The following CNTN4 variants were observed in gnomAD, a reference collection of about 807,000 sequenced individuals.
The protein encoded by CNTN4 is contactin-4.
In CNTN4, 77 loss-of-function variants were observed where a neutral mutation model predicts 122.5. The ratio of observed to expected loss-of-function variants is 0.63; its 90% CI spans 0.52 to 0.76. The LOEUF (loss-of-function observed/expected upper bound fraction) is 0.76, where lower values mean the gene tolerates loss of function less well. CNTN4 is among the 30% of genes least tolerant of loss of function. CNTN4 has a pLI of 0.00. For missense variants in CNTN4, 1,256 were observed against 1,259.1 expected, an observed-to-expected ratio of 1.00 and a Z score of 0.04; for synonymous variants, 512 against 447.0, an observed-to-expected ratio of 1.15 and a Z score of -1.83.
At chr3:2,732,154 G>T (rs537917338) in intron 4 of CNTN4, among the ~76,000 whole-genome samples, 5 of 152,198 alleles carry the variant, frequency 3.3e-5, no homozygotes, top group Admixed American at 6.5e-5. Flanking sequence ...ATGTGTCTAG[G>T]AGTGGGTCTA....
intron 4 of CNTN4, among the ~76,000 whole-genome samples, chr3:2,644,960 C>T (rs2083055710): frequency 6.6e-6 from 1 of 151,006 alleles, no homozygotes; most frequent in South Asian, 2.1e-4. Flanking sequence ...ATATTCAAAA[C>T]TCATTTGCCT....
intron 4 of CNTN4, among the ~76,000 whole-genome samples, chr3:2,689,073 C>T (rs1168507244): frequency 6.6e-6 from 1 of 152,190 alleles, no homozygotes; most frequent in Non-Finnish European, 1.5e-5. Flanking sequence ...AAGAAAGTAA[C>T]AGCAGTGTGT....
chr3:2,926,552 CTGTT>C (rs753723700), intron 13 of CNTN4, among the ~76,000 whole-genome samples: 3 of 152,152 alleles, frequency 2.0e-5, no homozygotes, highest in Non-Finnish European at 4.4e-5. Context: ...ATGCGTGAAT[CTGTT>C]TGTCACCTAT....
intron 2 of CNTN4, among the ~76,000 whole-genome samples, chr3:2,245,208 C>T (rs1016795363): frequency 2.0e-5 from 3 of 147,736 alleles, no homozygotes; most frequent in Admixed American, 2.0e-4. Context: ...TTGGGAGATA[C>T]TTAGTAGAAG....
At chr3:2,951,692 G>A (rs1355402117) in intron 13 of CNTN4, among the ~76,000 whole-genome samples, 3 of 152,140 alleles carry the variant, frequency 2.0e-5, no homozygotes, top group South Asian at 4.1e-4. Context: ...GTTCATATGT[G>A]TATATCAGAA....
intron 3 of CNTN4, among the ~76,000 whole-genome samples, chr3:2,411,234 T>G (rs1194336424): frequency 6.6e-6 from 1 of 152,074 alleles, no homozygotes; most frequent in Non-Finnish European, 1.5e-5. Flanking sequence ...GGCTTAATAC[T>G]TAGGTGATGG....
At position 2,900,804 on chromosome 3, in the gene CNTN4, G is replaced by T. The variant is rs145270510; in HGVS notation, c.1060G>T (p.Glu354Ter). 6.2e-7 allele frequency: 1 copy of T among 1,613,864 alleles called. No homozygotes were observed. The highest frequency in any genetic ancestry group is 1.7e-5 in the Admixed American group (1 of 60,018). The part of the protein sequence containing the change: ...KPTYKWLKNG[E>*]PLLTRDRIQI... ...TACATACAAGTGGCTAAAAAATGGC[G>T]AACCTCTGCTAACTCGGGTAAGCAA... The change falls in exon 11 of 25, where the codon GAA becomes TAA. Residue 354 changes from glutamate (E) to a stop codon, truncating the protein, a stop_gained. Transcript: ENST00000418658. LOFTEE classifies it high-confidence loss of function.
At chr3:2,185,994 A>T (rs1401759751) in intron 2 of CNTN4, among the ~76,000 whole-genome samples, 1 of 151,902 alleles carries the variant, frequency 6.6e-6, no homozygotes, top group African/African-American at 2.4e-5. Flanking sequence ...GGTTTATTAC[A>T]TATGTATACA....
intron 2 of CNTN4, among the ~76,000 whole-genome samples, chr3:2,181,473 G>T (rs2037014251): frequency 6.6e-6 from 1 of 152,064 alleles, no homozygotes; most frequent in African/African-American, 2.4e-5. Context: ...GTTTATTTTT[G>T]AGGACAAAAG....
intron 7 of CNTN4, among the ~76,000 whole-genome samples, chr3:2,827,206 T>G (rs1302556022): frequency 1.3e-5 from 2 of 152,108 alleles, no homozygotes; most frequent in African/African-American, 4.8e-5. Context: ...TCCCTCTACT[T>G]TCTCTCATTA....
At chr3:2,285,531 A>G (rs1414575992) in intron 2 of CNTN4, among the ~76,000 whole-genome samples, 3 of 152,076 alleles carry the variant, frequency 2.0e-5, no homozygotes, top group Non-Finnish European at 4.4e-5. Context: ...GTATTCTGCT[A>G]TGATTTTAAA....
At chr3:2,219,814 A>G (rs962228847) in intron 2 of CNTN4, among the ~76,000 whole-genome samples, 3 of 152,062 alleles carry the variant, frequency 2.0e-5, no homozygotes, top group Non-Finnish European at 4.4e-5. Flanking sequence ...GTTCCCAGCA[A>G]AAGATGGCAT....
At chr3:2,254,046 C>G (rs2040480471) in intron 2 of CNTN4, among the ~76,000 whole-genome samples, 2 of 149,674 alleles carry the variant, frequency 1.3e-5, no homozygotes, top group African/African-American at 2.5e-5. Flanking sequence ...CCTAGCCCCC[C>G]ACCCCCCTAC....
intron 2 of CNTN4, among the ~76,000 whole-genome samples, chr3:2,104,916 A>G (rs955140239): frequency 3.9e-5 from 6 of 152,100 alleles, no homozygotes; most frequent in Non-Finnish European, 5.9e-5. Context: ...TTTGACCTCT[A>G]TTACTATCCC....
At chr3:2,243,805 C>T (rs868055547) in intron 2 of CNTN4, among the ~76,000 whole-genome samples, 4 of 151,976 alleles carry the variant, frequency 2.6e-5, no homozygotes, top group East Asian at 3.9e-4. Flanking sequence ...TGTTCAGACT[C>T]GCATTTGATA....
chr3:2,878,387 C>T (rs754838864), intron 8 of CNTN4, among the ~76,000 whole-genome samples: 1 of 152,328 alleles, frequency 6.6e-6, no homozygotes, highest in South Asian at 2.1e-4. Flanking sequence ...TATATCACAG[C>T]ATAAACACTG....
rs78519663 is a variant in CNTN4, at chr3:2,994,772, G to T, written c.1486+6300G>T. Among the ~76,000 whole-genome samples, 123 of 152,134 alleles carry T rather than the reference G, an allele frequency of 8.1e-4. 2 individuals are homozygous for T. The East Asian group carries it at 0.019, about 24-fold the overall frequency. On this transcript the variant is annotated intron_variant, in intron 14 of 24. Transcript: ENST00000418658. ...GCAATAAAGTAGAGTCTTTTCAGTT[G>T]GAACTTTATTTTGCAAATGAGTTTG...
chr3:2,988,103 C>T (rs1275428562), intron 13 of CNTN4, among the ~76,000 whole-genome samples: 1 of 152,070 alleles, frequency 6.6e-6, no homozygotes. Flanking sequence ...AATGGCTATT[C>T]CAACTGACTG....
At chr3:2,815,865 A>T (rs2092713397) in intron 6 of CNTN4, among the ~76,000 whole-genome samples, 1 of 111,794 alleles carries the variant, frequency 8.9e-6, no homozygotes, top group South Asian at 2.9e-4. Context: ...TGGCTAAAGA[A>T]ACTATGGCAT....
Sources: allele counts gnomAD v4.1 joint callset (sites outside exome capture counted in the v4.1 genomes callset), GRCh38; gene constraint gnomAD v4.1.1; transcripts MANE v1.5; gene names NCBI Gene and HGNC (gene_info 2026-07-23, HGNC 2026-07-21).